The following PARN variants were observed in gnomAD, a reference collection of about 807,000 sequenced individuals.
PARN encodes poly(A)-specific ribonuclease, also known as poly(A)-specific ribonuclease PARN.
PARN carries 71 observed loss-of-function variants against 102.8 expected under a neutral mutation model. That is an observed-to-expected ratio of 0.69 (90% CI 0.57 to 0.84). PARN has a LOEUF of 0.84. Among genes scored for constraint, PARN ranks in the 40% least tolerant of loss-of-function variants. PARN has a pLI of 0.00. For missense variants in PARN, 782 were observed against 760.9 expected, an observed-to-expected ratio of 1.03 and a Z score of -0.33; for synonymous variants, 261 against 252.9, an observed-to-expected ratio of 1.03 and a Z score of -0.30.
intron 22 of PARN, among the ~76,000 whole-genome samples, chr16:14,472,306 G>A (rs1004863172): frequency 1.3e-5 from 2 of 152,156 alleles, no homozygotes; most frequent in Admixed American, 1.3e-4. Context: ...GTTTTATGCT[G>A]AATATTTACT....
At chr16:14,509,344 A>G (rs1001676959) in intron 21 of PARN, among the ~76,000 whole-genome samples, 1 of 152,246 alleles carries the variant, frequency 6.6e-6, no homozygotes. Context: ...AAGAACAAAC[A>G]GCGCACTTAG....
At chr16:14,518,288 T>A in intron 21 of PARN, among the ~76,000 whole-genome samples, 2 of 80,072 alleles carry the variant, frequency 2.5e-5, no homozygotes, top group Non-Finnish European at 2.4e-5. Context: ...TAAGACCCTG[T>A]CTCAAAAAAA....
At chr16:14,500,684 A>G (rs922324723) in intron 21 of PARN, among the ~76,000 whole-genome samples, 1 of 152,244 alleles carries the variant, frequency 6.6e-6, no homozygotes, top group African/African-American at 2.4e-5. Context: ...TCTCATTTTA[A>G]AGCATGTCCA....
intron 12 of PARN, among the ~76,000 whole-genome samples, chr16:14,594,725 T>A (rs1171768654): frequency 2.6e-5 from 4 of 151,882 alleles, no homozygotes; most frequent in African/African-American, 9.7e-5. Flanking sequence ...GAAAAAAAAA[T>A]CAGGTTACCA....
In PARN at chr16:14,482,684, G is replaced by A. The variant is rs745696590; in HGVS notation, c.1624C>T (p.Gln542Ter). 6.2e-7 allele frequency: 1 copy of A among 1,613,702 alleles called. No homozygotes were observed. The change falls in exon 22 of 24, where the codon CAG becomes TAG. Residue 542 changes from glutamine (Q) to a stop codon, truncating the protein, a stop_gained. Transcript: ENST00000437198. LOFTEE classifies it high-confidence loss of function. ...TTCTGCAGGGTGTAGGGTATGCACT[G>A]GGGGTTTAACCGTTTGCTGTCAGCC... The part of the protein sequence containing the change: ...KEADSKRLNP[Q>*]CIPYTLQNHY...
rs550755432 is a variant in PARN, at chr16:14,482,688, G to A, written c.1620C>T (p.Asn540=). Residue 540 remains asparagine (N), a synonymous_variant, in exon 22 of 24, where the codon AAC becomes AAT. Coordinates refer to ENST00000437198, the MANE Select transcript of PARN (RefSeq NM_002582.4). The part of the protein sequence containing the change: ...SWKEADSKRL[N]PQCIPYTLQN... Reference sequence around the variant, plus strand: ...GCAGGGTGTAGGGTATGCACTGGGGGTTTAACCGTTTGCTGTCAGCCTCCT... The same window carrying A: ...GCAGGGTGTAGGGTATGCACTGGGGATTTAACCGTTTGCTGTCAGCCTCCT... 6 of 1,613,830 alleles carry A rather than the reference G, an allele frequency of 3.7e-6. No individual in the cohort carries two copies. In the East Asian group the frequency reaches 6.7e-5, roughly 18 times the overall value.
At chr16:14,615,829 A>G (rs1971860295) in intron 6 of PARN, among the ~76,000 whole-genome samples, 1 of 150,528 alleles carries the variant, frequency 6.6e-6, no homozygotes, top group South Asian at 2.1e-4. Flanking sequence ...TGAACCTGTT[A>G]GGTGGAGGCT....
At chr16:14,530,074 C>T (rs2151667095) in intron 21 of PARN, among the ~76,000 whole-genome samples, 1 of 152,312 alleles carries the variant, frequency 6.6e-6, no homozygotes, top group South Asian at 2.1e-4. Flanking sequence ...TCAGACTCTT[C>T]CTGATTCTGC....
intron 21 of PARN, among the ~76,000 whole-genome samples, chr16:14,510,864 C>A (rs561125993): frequency 3.2e-4 from 49 of 152,216 alleles, no homozygotes; most frequent in African/African-American, 1.2e-3. Context: ...GGGGGAAAGA[C>A]AAGGCAAAGG....
At chr16:14,572,307 G>C (rs944800570) in intron 18 of PARN, among the ~76,000 whole-genome samples, 1 of 151,884 alleles carries the variant, frequency 6.6e-6, no homozygotes, top group Admixed American at 6.6e-5. Flanking sequence ...GCCTTGTTCT[G>C]TCCGTTACTG....
At chr16:14,507,943 TTAA>T (rs759088337) in intron 21 of PARN, among the ~76,000 whole-genome samples, 24 of 152,160 alleles carry the variant, frequency 1.6e-4, no homozygotes, top group Non-Finnish European at 1.6e-4. Flanking sequence ...TTCTCAACTG[TTAA>T]TGAGAAAAGC....
intron 6 of PARN, among the ~76,000 whole-genome samples, chr16:14,613,138 T>C (rs1390910356): frequency 1.3e-5 from 2 of 151,420 alleles, no homozygotes; most frequent in African/African-American, 2.4e-5. Flanking sequence ...GGAGAAACCC[T>C]GTCTCTACTA....
intron 18 of PARN, among the ~76,000 whole-genome samples, chr16:14,572,771 C>A (rs1968887429): frequency 6.6e-6 from 1 of 152,218 alleles, no homozygotes; most frequent in Non-Finnish European, 1.5e-5. Context: ...CTACTGCACT[C>A]CAATTTTATG....
chr16:14,595,079 T>C (rs751947957), intron 12 of PARN, among the ~76,000 whole-genome samples: 5 of 152,180 alleles, frequency 3.3e-5, no homozygotes, highest in African/African-American at 1.2e-4. Context: ...ACTGTAAGGC[T>C]AAAAACAAAA....
In PARN at chr16:14,612,980, T is replaced by C. The variant is rs1165095154; in HGVS notation, c.389-2171A>G. ...ATAGCTCAAGAGAAAGGTGTTGAGA[T>C]ATACATTTAGTTATCATTGGGACAC... is the stretch of plus-strand genomic sequence containing the variant. On this transcript the variant is annotated intron_variant, in intron 6 of 23. Transcript: ENST00000437198. Among the ~76,000 whole-genome samples, 6 of 152,072 alleles carry C rather than the reference T, an allele frequency of 3.9e-5. No individual in the cohort carries two copies. In the East Asian group the frequency reaches 1.2e-3, roughly 30 times the overall value.
At chr16:14,480,499 C>T (rs559731414) in intron 22 of PARN, among the ~76,000 whole-genome samples, 2 of 152,252 alleles carry the variant, frequency 1.3e-5, no homozygotes, top group East Asian at 3.9e-4. Flanking sequence ...AGACAAACAA[C>T]CCAATTTTAA....
chr16:14,547,207 T>C lies in PARN; in HGVS notation c.1480+4814A>G, dbSNP rs185259571. On this transcript the variant is annotated intron_variant, in intron 21 of 23. Coordinates refer to ENST00000437198, the MANE Select transcript of PARN (RefSeq NM_002582.4). ...ACCAAGTCCCACACTGGCCATGTAC[T>C]GCTTCATCTGAAGAGCCAGAGGGGG... 4.1e-3 allele frequency among the ~76,000 whole-genome samples: 626 copies of C among 152,238 alleles called. 3 individuals are homozygous for C. Among genetic ancestry groups the C allele is most frequent in the Middle Eastern group, 6.8e-3 (2 of 294 alleles).
Position 14,582,183 on chromosome 16 carries a change from A to G in PARN, c.1190T>C (p.Leu397Pro). 1 of 1,581,148 alleles carries G rather than the reference A, an allele frequency of 6.3e-7. No homozygotes were observed. Among genetic ancestry groups the G allele is most frequent in the East Asian group, 2.2e-5 (1 of 44,710 alleles). Residue 397 changes from leucine (L) to proline (P), a missense_variant and splice_region_variant, in exon 17 of 24, where the codon CTA becomes CCA. By Grantham distance (98) the Leu-to-Pro change is moderately conservative (BLOSUM62 -3). Coordinates refer to ENST00000437198, the MANE Select transcript of PARN (RefSeq NM_002582.4). The stretch of plus-strand genomic sequence containing the variant: ...ACTGAAAGACATGTAATGCGTACCT[A>G]GGTAATTGGCCATGGAGATGAAGCA... The part of the protein sequence containing the change: ...GLCFISMANY[L>P]GSFLSPPKIH...
chr16:14,606,553 G>T, intron 9 of PARN, 27 bp from the exon 10 acceptor site: 1 of 1,360,690 alleles, frequency 7.3e-7, no homozygotes, highest in Non-Finnish European at 1.0e-6. Context: ...CATAGTATCA[G>T]TAGATGAGTC....
Sources: gnomAD v4.1 joint callset for allele counts (sites outside exome capture counted in the v4.1 genomes callset) on GRCh38, gnomAD v4.1.1 for gene constraint, MANE v1.5 for transcripts, NCBI Gene and HGNC (gene_info 2026-07-23, HGNC 2026-07-21) for gene names.